FAS: variants seen among roughly 807,000 people sequenced by gnomAD.
FAS encodes Fas cell surface death receptor, also known as tumor necrosis factor receptor superfamily member 6.
Under a neutral mutation model 33.2 loss-of-function variants are expected in FAS, and 5 were observed. The observed-to-expected ratio is 0.15, with a 90% CI of 0.08 to 0.32. FAS has a LOEUF of 0.32. Ranked by LOEUF, FAS falls within the 10% of genes least tolerant of loss-of-function variation. The pLI is 1.00. For synonymous variants in FAS, 131 were observed against 130.7 expected (o/e 1.00, Z -0.01); for missense variants, 339 against 386.0 (o/e 0.88, Z 1.02).
At chr10:88,974,296 A>C (rs907758560) in intron 2 of FAS, 26 of 152,194 alleles carry the variant, frequency 1.7e-4, no homozygotes, top group African/African-American at 5.8e-4. Flanking sequence ...TGGTGAACCA[A>C]TGCCAAATAG....
chr10:88,984,135 G>A (rs1320497395), upstream of FAS, among the ~76,000 whole-genome samples: 1 of 152,174 alleles, frequency 6.6e-6, no homozygotes, highest in African/African-American at 2.4e-5. Flanking sequence ...TTTGTATAGT[G>A]GATGTTGAGC....
In FAS at chr10:89,015,728, T is replaced by G; in HGVS notation, c.*1278T>G. On this transcript the variant is annotated 3_prime_UTR_variant, in exon 9 of 9. Transcript: ENST00000652046. ...CATTTATGGAGGATTTTTTTGCCCC[T>G]TGTGTTTGGAATTATAAAATATAGG... 2 of 499,962 alleles carry G rather than the reference T, an allele frequency of 4.0e-6. No homozygotes were observed. The highest frequency in any genetic ancestry group is 3.6e-5 in the South Asian group (2 of 55,168). The allele number at this position is 499,962 out of a possible 1,614,324, so 31.0% of individuals were successfully genotyped here. A position where few individuals can be genotyped will look rare whatever the true frequency, so the allele number is the denominator to read the frequency against.
chr10:89,014,157 G>T lies in FAS; in HGVS notation c.715G>T (p.Val239Phe), dbSNP rs1213958352. 6.2e-7 allele frequency: 1 copy of T among 1,613,820 alleles called. No individual in the cohort carries two copies. Among genetic ancestry groups the T allele is most frequent in the Admixed American group, 1.7e-5 (1 of 60,024 alleles). The change falls in exon 9 of 9, where the codon GTC becomes TTC. Residue 239 changes from valine (V) to phenylalanine (F), a missense_variant. This residue lies in a region of FAS where 276 missense variants were observed against 300.1 expected (regional missense o/e 0.92). Coordinates refer to ENST00000652046, the MANE Select transcript of FAS (RefSeq NM_000043.6). ...TAAATATATCACCACTATTGCTGGA[G>T]TCATGACACTAAGTCAAGTTAAAGG... ...LSKYITTIAG[V>F]MTLSQVKGFV...
chr10:89,014,125 A>G lies in FAS; in HGVS notation c.683A>G (p.Asp228Gly). ...ETVAINLSDV[D>G]LSKYITTIAG... ...ACTATTTTCTATTTTTCAGATGTTG[A>G]CTTGAGTAAATATATCACCACTATT... The change falls in exon 9 of 9, where the codon GAC (aspartate) becomes GGC (glycine). Residue 228 changes from aspartate to glycine, a missense_variant. Around this residue, in one of 3 missense-constraint regions of FAS, gnomAD observed 276 missense variants for 300.1 expected, o/e 0.92. Coordinates refer to ENST00000652046, the MANE Select transcript of FAS (RefSeq NM_000043.6). 6.2e-7 allele frequency: 1 copy of G among 1,613,434 alleles called. No individual in the cohort carries two copies. Among genetic ancestry groups the G allele is most frequent in the Non-Finnish European group, 8.5e-7 (1 of 1,179,856 alleles).
intron 1 of FAS, among the ~76,000 whole-genome samples, chr10:88,965,118 AT>A (rs547627526): frequency 6.6e-6 from 1 of 152,084 alleles, no homozygotes; most frequent in Non-Finnish European, 1.5e-5. Flanking sequence ...TCTTAGATGC[AT>A]TTTTTCTACA....
upstream of FAS, among the ~76,000 whole-genome samples, chr10:88,983,424 T>A (rs1369203547): frequency 6.6e-6 from 1 of 152,176 alleles, no homozygotes; most frequent in East Asian, 1.9e-4. Context: ...TACATCTTGA[T>A]GATAAGGCCA....
intron 1 of FAS, among the ~76,000 whole-genome samples, chr10:88,999,346 C>T (rs1200431395): frequency 6.6e-6 from 1 of 151,960 alleles, no homozygotes; most frequent in Non-Finnish European, 1.5e-5. Flanking sequence ...AAATTCAAAG[C>T]CAGGGGTTAA....
chr10:89,007,935 T>C, intron 3 of FAS, 98 bp downstream of exon 3: 1 of 1,567,244 alleles, frequency 6.4e-7, no homozygotes, highest in Non-Finnish European at 8.7e-7. Flanking sequence ...TGTGGTGCTA[T>C]GTTGACACAC....
intron 2 of FAS, among the ~76,000 whole-genome samples, chr10:89,003,421 T>C (rs1162299153): frequency 6.6e-6 from 1 of 152,232 alleles, no homozygotes; most frequent in East Asian, 1.9e-4. Flanking sequence ...GACATGCACC[T>C]CTGAAATGAG....
At chr10:88,979,010 A>G (rs1846643038) in intron 2 of FAS, among the ~76,000 whole-genome samples, 1 of 152,036 alleles carries the variant, frequency 6.6e-6, no homozygotes, top group Non-Finnish European at 1.5e-5. Flanking sequence ...TAATAAGCAT[A>G]TAAAGTTTAT....
chr10:88,969,322 A>G (rs551375621), intron 1 of FAS, among the ~76,000 whole-genome samples: 1 of 152,348 alleles, frequency 6.6e-6, no homozygotes, highest in East Asian at 1.9e-4. Context: ...TCTTTGGAAG[A>G]AGTGAGTATT....
At position 89,013,375 on chromosome 10, in the gene FAS, T is replaced by G. The variant is rs756594826; in HGVS notation, c.676+8T>G. The G allele has an allele frequency of 1.2e-6, 2 of 1,611,428 alleles. No homozygotes were observed. The highest frequency in any genetic ancestry group is 1.7e-6 in the Non-Finnish European group (2 of 1,178,552). ...TGGCAATAAATTTATCTGGTAAGGC[T>G]TTTATCATTTTATTTCATAGAGATG... On this transcript the variant is annotated splice_region_variant and intron_variant, in intron 8 of 8. Coordinates refer to ENST00000652046, the MANE Select transcript of FAS (RefSeq NM_000043.6).
chr10:89,004,324 G>C (rs1251733233), intron 2 of FAS, among the ~76,000 whole-genome samples: 1 of 151,700 alleles, frequency 6.6e-6, no homozygotes, highest in Non-Finnish European at 1.5e-5. Context: ...AATACATTTG[G>C]ATATATGAGT....
intron 1 of FAS, among the ~76,000 whole-genome samples, chr10:88,993,220 C>T (rs948412080): frequency 3.3e-5 from 5 of 152,002 alleles, no homozygotes; most frequent in African/African-American, 1.2e-4. Context: ...GTTTGAAATC[C>T]CAAAAAGTTG....
At chr10:88,974,847 A>G (rs1272958345) in intron 2 of FAS, 2 of 152,200 alleles carry the variant, frequency 1.3e-5, no homozygotes, top group African/African-American at 4.8e-5. Flanking sequence ...CAGTTAGATG[A>G]GCTGAGATCA....
chr10:88,975,620 T>C (rs780703877), intron 2 of FAS, among the ~76,000 whole-genome samples: 21 of 151,600 alleles, frequency 1.4e-4, no homozygotes, highest in Admixed American at 2.0e-4. Flanking sequence ...TTCCACTGGA[T>C]CGTAAGTTCC....
chr10:88,973,344 T>C (rs1343237186), exon 2 of FAS: 1 of 1,504,810 alleles, frequency 6.6e-7, no homozygotes. Context: ...GAGAAGGTGA[T>C]TAGGTAATCC....
intron 1 of FAS, among the ~76,000 whole-genome samples, chr10:88,991,907 A>C (rs1847253308): frequency 6.6e-6 from 1 of 152,190 alleles, no homozygotes; most frequent in Non-Finnish European, 1.5e-5. Context: ...AGCCTCTGAG[A>C]GTCCATGGAT....
chr10:88,989,370 A>C, upstream of FAS: 1 of 275,004 alleles, frequency 3.6e-6, no homozygotes, highest in Admixed American at 4.3e-5. Flanking sequence ...TGAACTTTTC[A>C]TTTTGGAATA....
Sources: allele counts gnomAD v4.1 joint callset (sites outside exome capture counted in the v4.1 genomes callset), GRCh38; gene constraint gnomAD v4.1.1; regional missense constraint gnomAD v4.1.1; transcripts MANE v1.5; gene names NCBI Gene and HGNC (gene_info 2026-07-23, HGNC 2026-07-21).